SHOC1: variants seen among roughly 807,000 people sequenced by gnomAD.
The protein encoded by SHOC1 is protein shortage in chiasmata 1 ortholog.
Under a neutral mutation model 179.2 loss-of-function variants are expected in SHOC1, and 136 were observed. The observed-to-expected ratio is 0.76, with a 90% confidence interval of 0.66 to 0.87. SHOC1 has a LOEUF of 0.87. SHOC1 is among the 40% of genes least tolerant of loss of function. The pLI is 0.00. For missense variants in SHOC1, 1,538 were observed against 1,700.8 expected, an observed-to-expected ratio of 0.90 and a Z score of 1.68; for synonymous variants, 489 against 586.6, an observed-to-expected ratio of 0.83 and a Z score of 2.41.
Position 111,780,998 on chromosome 9 carries a change from C to T in SHOC1, c.189G>A (p.Pro63=), listed in dbSNP as rs369342466. 15 of 1,612,594 alleles carry T rather than the reference C, an allele frequency of 9.3e-6. No individual in the cohort carries two copies. Among genetic ancestry groups the T allele is most frequent in the Admixed American group, 3.3e-5 (2 of 59,866 alleles). Residue 63 remains proline (P), a synonymous_variant, in exon 4 of 28, where the codon CCG becomes CCA. Coordinates refer to ENST00000682961, the MANE Select transcript of SHOC1 (RefSeq NM_001378211.1). Reference sequence around the variant, plus strand: ...CCAAGACTGAGGTATCTGTCATTCCCGGAACTGAAACAGCTGAGACTAGAA... The same window carrying T: ...CCAAGACTGAGGTATCTGTCATTCCTGGAACTGAAACAGCTGAGACTAGAA... ...PWTRVSAVSV[P]GMTDTSVLDQ... is the part of the protein sequence containing the mutation.
intron 16 of SHOC1, among the ~76,000 whole-genome samples, chr9:111,717,305 A>C (rs573522508): frequency 1.3e-5 from 2 of 152,186 alleles, no homozygotes; most frequent in Non-Finnish European, 2.9e-5. Flanking sequence ...ATTGTTAAAC[A>C]AGTCTAGGCT....
rs115793231 is a variant in SHOC1, at chr9:111,700,507, T to C, written c.3090-460A>G. On this transcript the variant is annotated intron_variant, in intron 23 of 27. Transcript: ENST00000682961. ...CTGTGGTTACTAAGCAGGTCAGATG[T>C]AAGTGCTGAATGGTGGGTAGATATT... Among the ~76,000 whole-genome samples, 481 of 152,322 alleles carry C rather than the reference T, an allele frequency of 3.2e-3. 2 individuals carry two copies. The highest frequency in any genetic ancestry group is 0.011 in the African/African-American group (469 of 41,572).
chr9:111,747,418 T>TA (rs941658989), intron 9 of SHOC1, among the ~76,000 whole-genome samples: 5 of 151,982 alleles, frequency 3.3e-5, no homozygotes, highest in South Asian at 2.1e-4. Flanking sequence ...AATTCAAATT[T>TA]AAAAAAAATG....
chr9:111,771,700 CT>C (rs1398465880), intron 5 of SHOC1, among the ~76,000 whole-genome samples: 2 of 151,164 alleles, frequency 1.3e-5, no homozygotes, highest in East Asian at 1.9e-4. Flanking sequence ...TCTTAGATGG[CT>C]TTTTTTTTCT....
chr9:111,758,779 A>AT lies in SHOC1; in HGVS notation c.511_512insA (p.Leu171HisfsTer4). 1 of 1,597,724 alleles carries AT rather than the reference A, an allele frequency of 6.3e-7. No homozygotes were observed. Among genetic ancestry groups the AT allele is most frequent in the Non-Finnish European group, 8.6e-7 (1 of 1,169,294 alleles). On this transcript the variant is annotated frameshift_variant, in exon 6 of 28. Coordinates refer to ENST00000682961, the MANE Select transcript of SHOC1 (RefSeq NM_001378211.1). LOFTEE classifies it high-confidence loss of function. ...CAAAAACAGTTTTAGTCTACTCAAG[A>AT]GAGTAGGCAAAGTTGGTAGGTGTTT...
Position 111,723,816 on chromosome 9 carries a change from T to C in SHOC1, c.1930A>G (p.Ser644Gly). ...CCTGACGCTTGAATTTCAATGACAC[T>C]ATCTGTTCCCCTTTCCTGATTTATT... ...EEINQERGTD[S>G]VIEIQASDSQ... Residue 644 changes from serine (S) to glycine (G), a missense_variant, in exon 14 of 28, where the codon AGT (serine) becomes GGT (glycine). Transcript: ENST00000682961. 1 of 1,612,262 alleles carries C rather than the reference T, an allele frequency of 6.2e-7. No homozygotes were observed. The highest frequency in any genetic ancestry group is 8.5e-7 in the Non-Finnish European group (1 of 1,179,322).
chr9:111,714,385 A>G (rs1832691653), intron 17 of SHOC1, 60 bp downstream of exon 17: 3 of 1,557,562 alleles, frequency 1.9e-6, no homozygotes, highest in Admixed American at 1.8e-5. Flanking sequence ...GCAAAAATGT[A>G]TCTTACATCC....
chr9:111,693,742 A>G, intron 26 of SHOC1, 57 bp downstream of exon 26: 1 of 1,115,008 alleles, frequency 9.0e-7, no homozygotes, highest in Non-Finnish European at 1.2e-6. Flanking sequence ...GTAAAAATAG[A>G]TACTCAAATC....
At chr9:111,761,059 T>C (rs1345197220) in intron 5 of SHOC1, among the ~76,000 whole-genome samples, 1 of 152,048 alleles carries the variant, frequency 6.6e-6, no homozygotes, top group Non-Finnish European at 1.5e-5. Flanking sequence ...TCTAATGTGG[T>C]TAAGGATTTA....
chr9:111,787,267 T>C (rs929194517), intron 2 of SHOC1, among the ~76,000 whole-genome samples: 2 of 152,218 alleles, frequency 1.3e-5, no homozygotes, highest in Non-Finnish European at 2.9e-5. Flanking sequence ...TTTGTAAGGA[T>C]ATAGCTGCCA....
chr9:111,760,349 C>A (rs1348812822), intron 5 of SHOC1, among the ~76,000 whole-genome samples: 1 of 152,102 alleles, frequency 6.6e-6, no homozygotes, highest in Admixed American at 6.6e-5. Flanking sequence ...ATACAGCATG[C>A]CCTGGAGTTC....
chr9:111,721,755 T>C (rs12003611), intron 15 of SHOC1, among the ~76,000 whole-genome samples: 8,506 of 152,238 alleles, frequency 0.056, 594 homozygotes, highest in African/African-American at 0.16. Flanking sequence ...TTTGAACTCT[T>C]ATCTGTCTTG....
In SHOC1 at chr9:111,712,885, C is replaced by T. The variant is rs566302854; in HGVS notation, c.2488+215G>A. Among the ~76,000 whole-genome samples, 6 of 152,250 alleles carry T rather than the reference C, an allele frequency of 3.9e-5. No homozygotes were observed. The East Asian group carries it at 9.6e-4, about 24-fold the overall frequency. Reference sequence around the variant, plus strand: ...TAAAAGTGTCAATTATTAGTAATAACAAATACATATAAACACCTTGTAGTG... The same window carrying T: ...TAAAAGTGTCAATTATTAGTAATAATAAATACATATAAACACCTTGTAGTG... On this transcript the variant is annotated intron_variant, in intron 18 of 27. Coordinates refer to ENST00000682961, the MANE Select transcript of SHOC1 (RefSeq NM_001378211.1).
chr9:111,759,449 T>TA, intron 5 of SHOC1: 4 of 1,285,636 alleles, frequency 3.1e-6, no homozygotes, highest in Non-Finnish European at 3.9e-6. Context: ...ACACTACTGC[T>TA]AACAGTTAAT....
At chr9:111,727,342 A>G (rs1833343694) in intron 13 of SHOC1, among the ~76,000 whole-genome samples, 1 of 152,186 alleles carries the variant, frequency 6.6e-6, no homozygotes, top group Non-Finnish European at 1.5e-5. Flanking sequence ...GATACTATGA[A>G]TTTGTAAGGC....
chr9:111,707,719 A>AT, intron 19 of SHOC1, 136 bp downstream of exon 19: 1 of 621,536 alleles, frequency 1.6e-6, no homozygotes, highest in Non-Finnish European at 2.8e-6. Context: ...TATGTAAAGC[A>AT]TTTTTCAGGA....
chr9:111,713,994 A>G (rs1474660547), intron 17 of SHOC1, among the ~76,000 whole-genome samples: 2 of 152,180 alleles, frequency 1.3e-5, no homozygotes, highest in Non-Finnish European at 2.9e-5. Flanking sequence ...CCTTAGGAAA[A>G]CTATGCATAA....
intron 16 of SHOC1, 134 bp from the exon 17 acceptor site, chr9:111,714,757 CAA>C (rs752144014): frequency 2.2e-5 from 17 of 776,462 alleles, no homozygotes; most frequent in Non-Finnish European, 3.0e-5. Flanking sequence ...TGATTTTGAT[CAA>C]AGACACTAAT....
chr9:111,727,500 G>T, intron 13 of SHOC1, 133 bp downstream of exon 13: 2 of 733,748 alleles, frequency 2.7e-6, no homozygotes, highest in East Asian at 3.0e-5. Flanking sequence ...AAGAATCAAT[G>T]ACATTTTCCT....
Sources: gnomAD v4.1 joint callset for allele counts (sites outside exome capture counted in the v4.1 genomes callset) on GRCh38, gnomAD v4.1.1 for gene constraint, MANE v1.5 for transcripts, NCBI Gene and HGNC (gene_info 2026-07-23, HGNC 2026-07-21) for gene names.